Variants in SKI observed in about 807,000 individuals in gnomAD.
SKI encodes the protein SKI proto-oncogene.
SKI carries 23 observed loss-of-function variants against 59.3 expected under a neutral mutation model. The ratio of observed to expected loss-of-function variants is 0.39; its 90% CI spans 0.28 to 0.55. The LOEUF (loss-of-function observed/expected upper bound fraction) is 0.55, where lower values mean the gene tolerates loss of function less well. Among genes scored for constraint, SKI ranks in the 20% least tolerant of loss-of-function variants. The probability of loss-of-function intolerance (pLI) is 0.67; values close to 1 mark genes in which losing one functional copy is unlikely to be tolerated. For missense variants in SKI, 1,017 were observed against 1,038.9 expected (o/e 0.98, Z 0.29); for synonymous variants, 673 against 488.6 (o/e 1.38, Z -4.98).
At chr1:2,232,867 T>C (rs1427841284) in intron 1 of SKI, among the ~76,000 whole-genome samples, 1 of 152,204 alleles carries the variant, frequency 6.6e-6, no homozygotes, top group Non-Finnish European at 1.5e-5. Context: ...AGATGGGTCA[T>C]TGTGCTGCTG....
chr1:2,301,064 G>A (rs897949395), intron 1 of SKI, among the ~76,000 whole-genome samples: 2 of 152,166 alleles, frequency 1.3e-5, no homozygotes, highest in African/African-American at 4.8e-5. Flanking sequence ...CTTTTCCCCG[G>A]GTGATAACTG....
chr1:2,278,778 C>G (rs116423318), intron 1 of SKI, among the ~76,000 whole-genome samples: 2,168 of 152,152 alleles, frequency 0.014, 41 homozygotes, highest in African/African-American at 0.05. Context: ...TGCAGACCCC[C>G]CTTCTTGCAG....
chr1:2,259,037 C>T (rs2100835329), intron 1 of SKI, among the ~76,000 whole-genome samples: 1 of 152,334 alleles, frequency 6.6e-6, no homozygotes, highest in South Asian at 2.1e-4. Flanking sequence ...AAATGACATG[C>T]TGTGGGCTCC....
chr1:2,246,918 C>T (rs954601069), intron 1 of SKI, among the ~76,000 whole-genome samples: 5 of 152,162 alleles, frequency 3.3e-5, no homozygotes, highest in African/African-American at 1.2e-4. Flanking sequence ...TTCTGGGAGG[C>T]CTGTGCAAGA....
intron 1 of SKI, among the ~76,000 whole-genome samples, chr1:2,265,364 C>G (rs1639480688): frequency 6.6e-6 from 1 of 152,132 alleles, no homozygotes; most frequent in African/African-American, 2.4e-5. Flanking sequence ...TTCTGTTACT[C>G]TGTGTCCATA....
At chr1:2,304,737 G>C (rs1262967191) in intron 5 of SKI, 152 bp downstream of exon 5, 3 of 1,338,164 alleles carry the variant, frequency 2.2e-6, no homozygotes, top group Admixed American at 2.9e-5. Flanking sequence ...CTGGGACCTT[G>C]GGGGTCCGTC....
chr1:2,302,868 T>G, intron 1 of SKI, 110 bp from the exon 2 acceptor site: 25 of 1,436,440 alleles, frequency 1.7e-5, no homozygotes, highest in Non-Finnish European at 1.6e-5. Context: ...TCAGGGTCGT[T>G]TGTGGCCGGA....
At position 2,299,433 on chromosome 1, in the gene SKI, G is replaced by T. The variant is rs1640370462; in HGVS notation, c.970-3545G>T. On this transcript the variant is annotated intron_variant, in intron 1 of 6. Transcript: ENST00000378536. ...GTGCAGACTGGGTTCAGCCTGTCTG[G>T]AGTGGCTCAGGTGCCTGGGGACAGA... 3.3e-5 allele frequency among the ~76,000 whole-genome samples: 5 copies of T among 152,338 alleles called. No individual in the cohort carries two copies. The South Asian group carries it at 1.0e-3, about 32-fold the overall frequency.
intron 1 of SKI, among the ~76,000 whole-genome samples, chr1:2,266,663 C>T (rs780070698): frequency 3.5e-4 from 54 of 152,286 alleles, no homozygotes; most frequent in Non-Finnish European, 2.8e-4. Context: ...TCTGTGACTT[C>T]ACCTTGGCTG....
chr1:2,276,402 T>C (rs1046449712), intron 1 of SKI, among the ~76,000 whole-genome samples: 19 of 151,852 alleles, frequency 1.3e-4, no homozygotes, highest in African/African-American at 3.6e-4. Context: ...CTCCAGGGAG[T>C]TCAGCAAGCC....
intron 1 of SKI, among the ~76,000 whole-genome samples, chr1:2,236,982 C>T (rs1219566019): frequency 6.6e-6 from 1 of 152,182 alleles, no homozygotes; most frequent in Admixed American, 6.5e-5. Context: ...CTCAGGCTGG[C>T]GGCCTCAGGT....
intron 1 of SKI, among the ~76,000 whole-genome samples, chr1:2,241,337 C>T (rs573197178): frequency 1.6e-4 from 24 of 152,252 alleles, no homozygotes; most frequent in Non-Finnish European, 2.6e-4. Flanking sequence ...CAGTTATCCA[C>T]AGCTCACTCA....
intron 1 of SKI, among the ~76,000 whole-genome samples, chr1:2,248,264 G>GC (rs1639042337): frequency 6.6e-6 from 1 of 152,184 alleles, no homozygotes; most frequent in Admixed American, 6.5e-5. Flanking sequence ...CTCCGGGGCT[G>GC]CCCGGACTCA....
At chr1:2,283,599 G>A (rs1051720611) in intron 1 of SKI, among the ~76,000 whole-genome samples, 7 of 152,140 alleles carry the variant, frequency 4.6e-5, no homozygotes, top group African/African-American at 1.7e-4. Flanking sequence ...TGGGGTCTCT[G>A]TGTCTCCATG....
chr1:2,252,738 T>C (rs1316426283), intron 1 of SKI, among the ~76,000 whole-genome samples: 1 of 152,114 alleles, frequency 6.6e-6, no homozygotes, highest in East Asian at 1.9e-4. Context: ...TGCTCAGCTC[T>C]TCTGGAAGAG....
chr1:2,300,136 C>T (rs540394536), intron 1 of SKI, among the ~76,000 whole-genome samples: 12 of 152,354 alleles, frequency 7.9e-5, no homozygotes, highest in African/African-American at 1.2e-4. Context: ...ACGCGTTGCC[C>T]GGGTGCCTGC....
At chr1:2,261,849 G>A (rs1472357873) in intron 1 of SKI, among the ~76,000 whole-genome samples, 4 of 150,706 alleles carry the variant, frequency 2.7e-5, no homozygotes, top group African/African-American at 9.8e-5. Flanking sequence ...GAGTTTGGAT[G>A]GGAGTGGTGG....
At chr1:2,247,021 G>A (rs903346928) in intron 1 of SKI, among the ~76,000 whole-genome samples, 23 of 152,338 alleles carry the variant, frequency 1.5e-4, no homozygotes, top group Admixed American at 1.4e-3. Flanking sequence ...AGGAGTTCAA[G>A]ACCAGCCTGG....
Position 2,232,105 on chromosome 1 carries a change from T to C in SKI, c.969+2370T>C, listed in dbSNP as rs368694233. 7.2e-5 allele frequency among the ~76,000 whole-genome samples: 11 copies of C among 152,372 alleles called. No individual in the cohort carries two copies. In the East Asian group the frequency reaches 1.7e-3, roughly 24 times the overall value. ...TGGGAGGCCCCGCCTCCGCCCTCAC[T>C]GGCCGCCGTTGGCTCCTCCCACTCG... On this transcript the variant is annotated intron_variant, in intron 1 of 6. Transcript: ENST00000378536.
Sources: gnomAD v4.1 joint callset for allele counts (sites outside exome capture counted in the v4.1 genomes callset) on GRCh38, gnomAD v4.1.1 for gene constraint, MANE v1.5 for transcripts, NCBI Gene and HGNC (gene_info 2026-07-23, HGNC 2026-07-21) for gene names.